GRID2: variants seen among roughly 807,000 people sequenced by gnomAD.
GRID2 encodes glutamate receptor ionotropic, delta-2.
A neutral mutation model predicts 114.8 loss-of-function variants in GRID2; 33 were observed. The observed-to-expected ratio is 0.29, with a 90% CI of 0.22 to 0.38. The LOEUF (loss-of-function observed/expected upper bound fraction) is 0.38, where lower values mean the gene tolerates loss of function less well. Among genes scored for constraint, GRID2 ranks in the 10% least tolerant of loss-of-function variants. The pLI is 1.00. For missense variants in GRID2, 1,184 were observed against 1,257.7 expected (o/e 0.94, Z 0.89); for synonymous variants, 505 against 449.9 (o/e 1.12, Z -1.55).
chr4:92,754,255 GA>G (rs1383053703), intron 2 of GRID2, among the ~76,000 whole-genome samples: 4 of 152,134 alleles, frequency 2.6e-5, no homozygotes, highest in Non-Finnish European at 5.9e-5. Context: ...ATCTGTGGAA[GA>G]ACAGTTCAGG....
chr4:93,117,006 A>G (rs1192490079), intron 4 of GRID2, among the ~76,000 whole-genome samples: 2 of 152,156 alleles, frequency 1.3e-5, no homozygotes, highest in African/African-American at 4.8e-5. Context: ...GTGAATGACA[A>G]GCATCCACAA....
chr4:92,827,730 T>G (rs766938874), intron 2 of GRID2, among the ~76,000 whole-genome samples: 3 of 152,056 alleles, frequency 2.0e-5, no homozygotes, highest in African/African-American at 4.8e-5. Context: ...AAAAATGAAT[T>G]AATGAATGAA....
chr4:92,698,994 T>G (rs1734546856), intron 2 of GRID2, among the ~76,000 whole-genome samples: 1 of 152,142 alleles, frequency 6.6e-6, no homozygotes, highest in Admixed American at 6.5e-5. Flanking sequence ...CAACCAGTTG[T>G]TTTCTTATTT....
intron 1 of GRID2, among the ~76,000 whole-genome samples, chr4:92,358,953 A>G (rs578157386): frequency 1.3e-5 from 2 of 152,054 alleles, no homozygotes; most frequent in East Asian, 3.9e-4. Flanking sequence ...CATGTTTTGA[A>G]CAATAGTAAC....
rs549096422 is a variant in GRID2, at chr4:93,246,924, C to T, written c.1245+8434C>T. Among the ~76,000 whole-genome samples the T allele has an allele frequency of 2.2e-4, 34 of 152,260 alleles. No homozygotes were observed. In the South Asian group the frequency reaches 6.6e-3, roughly 30 times the overall value. On this transcript the variant is annotated intron_variant, in intron 8 of 15. Transcript: ENST00000282020. ...TGTTTCAGCTTCTTAGGGAGCCTAT[C>T]TGATTTCACTGCAGAGTAGAGAAAA...
chr4:92,851,578 T>G (rs1217117205), intron 2 of GRID2, among the ~76,000 whole-genome samples: 1 of 151,976 alleles, frequency 6.6e-6, no homozygotes, highest in Non-Finnish European at 1.5e-5. Flanking sequence ...GAGATAATTA[T>G]GTAGGTAATG....
intron 2 of GRID2, among the ~76,000 whole-genome samples, chr4:92,999,079 T>C (rs954105702): frequency 1.6e-4 from 24 of 152,018 alleles, no homozygotes; most frequent in African/African-American, 5.8e-4. Flanking sequence ...AGTGTGTTTT[T>C]AATGTACTAT....
intron 2 of GRID2, among the ~76,000 whole-genome samples, chr4:92,703,691 A>T (rs1734796044): frequency 6.6e-6 from 1 of 150,896 alleles, no homozygotes; most frequent in Admixed American, 6.6e-5. Flanking sequence ...ATTACTTTGT[A>T]TATTGCCTAG....
At position 92,938,840 on chromosome 4, in the gene GRID2, T is replaced by C. The variant is rs1228839159; in HGVS notation, c.245-146155T>C. Among the ~76,000 whole-genome samples the C allele has an allele frequency of 3.4e-5, 5 of 146,042 alleles. 1 individual carries two copies. The Admixed American group carries it at 3.7e-4, about 11-fold the overall frequency. ...TTTGGTTTTTTGTCCTTGCGATAGTTTGCTAAGAATGATGGTTTCCAGCTT... is the reference window on the plus strand; with the variant it reads ...TTTGGTTTTTTGTCCTTGCGATAGTCTGCTAAGAATGATGGTTTCCAGCTT... On this transcript the variant is annotated intron_variant, in intron 2 of 15. Coordinates refer to ENST00000282020, the MANE Select transcript of GRID2 (RefSeq NM_001510.4).
chr4:93,230,660 T>A lies in GRID2; in HGVS notation c.1125+5885T>A, dbSNP rs142285012. Among the ~76,000 whole-genome samples, 598 of 152,244 alleles carry A rather than the reference T, an allele frequency of 3.9e-3. 5 individuals are homozygous for A. The highest frequency in any genetic ancestry group is 0.013 in the African/African-American group (559 of 41,566). On this transcript the variant is annotated intron_variant, in intron 7 of 15. Coordinates refer to ENST00000282020, the MANE Select transcript of GRID2 (RefSeq NM_001510.4). ...TGTTGCGTAGCTAATTAGTTTTAAATACCAGGTTTTTTGGTTTCTAATTTG... is the reference window on the plus strand; with the variant it reads ...TGTTGCGTAGCTAATTAGTTTTAAAAACCAGGTTTTTTGGTTTCTAATTTG...
chr4:92,644,025 A>T lies in GRID2; in HGVS notation c.244+53739A>T, dbSNP rs1391246257. ...AAGATTACATTTACATTGCAAGTAG[A>T]GATTAGTTATCCTGAGAGACAAAAA... On this transcript the variant is annotated intron_variant, in intron 2 of 15. Transcript: ENST00000282020. 1.3e-5 allele frequency among the ~76,000 whole-genome samples: 2 copies of T among 151,742 alleles called. 1 individual carries two copies. The highest frequency in any genetic ancestry group is 2.9e-5 in the Non-Finnish European group (2 of 67,856).
At chr4:93,298,378 C>T (rs1234109532) in intron 8 of GRID2, among the ~76,000 whole-genome samples, 11 of 152,092 alleles carry the variant, frequency 7.2e-5, no homozygotes, top group Admixed American at 4.6e-4. Flanking sequence ...GGTTACAGAC[C>T]GCCAACTCCT....
chr4:93,663,423 C>T (rs552538790), intron 14 of GRID2, among the ~76,000 whole-genome samples: 2 of 152,274 alleles, frequency 1.3e-5, no homozygotes, highest in South Asian at 2.1e-4. Context: ...GCCACACCAA[C>T]GGTGCAAACC....
chr4:92,447,492 T>G, intron 1 of GRID2, among the ~76,000 whole-genome samples: 1 of 152,212 alleles, frequency 6.6e-6, no homozygotes, highest in Non-Finnish European at 1.5e-5. Flanking sequence ...AGTTGCCTTT[T>G]CCACCAGCCC....
intron 13 of GRID2, among the ~76,000 whole-genome samples, chr4:93,584,128 G>T (rs1279657982): frequency 6.6e-6 from 1 of 152,068 alleles, no homozygotes; most frequent in Non-Finnish European, 1.5e-5. Context: ...AATATATCTA[G>T]AAGTTCCTTG....
chr4:93,507,152 T>G (rs1343164394), intron 12 of GRID2, among the ~76,000 whole-genome samples: 1 of 152,176 alleles, frequency 6.6e-6, no homozygotes, highest in African/African-American at 2.4e-5. Flanking sequence ...TAAAAATATC[T>G]TTTACAGAGC....
At chr4:93,673,858 C>T (rs1454352653) in intron 14 of GRID2, among the ~76,000 whole-genome samples, 1 of 152,166 alleles carries the variant, frequency 6.6e-6, no homozygotes, top group Non-Finnish European at 1.5e-5. Context: ...TTCACATTTG[C>T]TTGGTTAGTT....
chr4:92,430,649 A>C (rs1446025879), intron 1 of GRID2, among the ~76,000 whole-genome samples: 1 of 152,120 alleles, frequency 6.6e-6, no homozygotes, highest in Admixed American at 6.5e-5. Flanking sequence ...GATGAATGTC[A>C]TTGGTATATT....
At chr4:92,361,664 C>T (rs145023057) in intron 1 of GRID2, among the ~76,000 whole-genome samples, 1,758 of 151,886 alleles carry the variant, frequency 0.012, 26 homozygotes, top group African/African-American at 0.04. Flanking sequence ...AAGGTAGTTG[C>T]GAGGGTCAGT....
Sources: gnomAD v4.1 joint callset for allele counts (sites outside exome capture counted in the v4.1 genomes callset) on GRCh38, gnomAD v4.1.1 for gene constraint, MANE v1.5 for transcripts, NCBI Gene and HGNC (gene_info 2026-07-23, HGNC 2026-07-21) for gene names.